The following RAF1 variants were observed in gnomAD, a reference collection of about 807,000 sequenced individuals.
RAF1 encodes RAF proto-oncogene serine/threonine-protein kinase.
RAF1 carries 27 observed loss-of-function variants against 81.1 expected under a neutral mutation model. That is an observed-to-expected ratio of 0.33 (90% CI 0.25 to 0.46). The LOEUF is 0.46. Among genes scored for constraint, RAF1 ranks in the 20% least tolerant of loss-of-function variants. The probability of loss-of-function intolerance (pLI) is 1.00; values close to 1 mark genes in which losing one functional copy is unlikely to be tolerated. For synonymous variants in RAF1, 298 were observed against 294.0 expected (o/e 1.01, Z -0.14); for missense variants, 598 against 826.0 (o/e 0.72, Z 3.38).
chr3:12,609,155 C>A (rs550515708), intron 4 of RAF1, 78 bp downstream of exon 4: 6 of 1,117,738 alleles, frequency 5.4e-6, no homozygotes, highest in Non-Finnish European at 8.2e-6. Context: ...TATATACATA[C>A]GCATATTACC....
chr3:12,599,825 T>A lies in RAF1; in HGVS notation c.1051-17A>T, dbSNP rs753519031. 1.2e-5 allele frequency: 18 copies of A among 1,561,712 alleles called. No individual in the cohort carries two copies. Among genetic ancestry groups the A allele is most frequent in the Non-Finnish European group, 1.6e-5 (18 of 1,132,296 alleles). ...ACGAGGCCTCTGAAACAAGTAGAGA[T>A]CATTATTATACTCCATGCAATGGTA... On this transcript the variant is annotated splice_polypyrimidine_tract_variant and intron_variant, in intron 10 of 17. Coordinates refer to ENST00000442415, the MANE Select transcript of RAF1 (RefSeq NM_001354689.3).
At chr3:12,653,226 G>A (rs1249367872) in intron 1 of RAF1, among the ~76,000 whole-genome samples, 1 of 152,026 alleles carries the variant, frequency 6.6e-6, no homozygotes, top group Admixed American at 6.6e-5. Context: ...AGGTTGCAGT[G>A]AGCTGAGATC....
At chr3:12,586,515 T>C (rs912693971) in intron 14 of RAF1, among the ~76,000 whole-genome samples, 15 of 152,198 alleles carry the variant, frequency 9.9e-5, no homozygotes, top group African/African-American at 3.6e-4. Flanking sequence ...TCTGCTTTCA[T>C]GGTATAATGT....
chr3:12,651,545 A>T (rs2060525699), intron 1 of RAF1, among the ~76,000 whole-genome samples: 1 of 151,928 alleles, frequency 6.6e-6, no homozygotes, highest in South Asian at 2.1e-4. Context: ...GAGGCACGAG[A>T]ATCGCTGGAA....
intron 1 of RAF1, among the ~76,000 whole-genome samples, chr3:12,638,117 C>T (rs1332543765): frequency 2.6e-5 from 4 of 152,166 alleles, no homozygotes; most frequent in Non-Finnish European, 5.9e-5. Context: ...TATTTGCCTA[C>T]TCAATGATTA....
intron 5 of RAF1, 30 bp downstream of exon 5, chr3:12,608,736 T>A (rs1559432991): frequency 1.2e-6 from 2 of 1,608,424 alleles, no homozygotes; most frequent in Non-Finnish European, 8.5e-7. Context: ...CTCATCCCTA[T>A]CTTCCTTGGA....
At chr3:12,624,064 A>G (rs1337591370) in intron 1 of RAF1, among the ~76,000 whole-genome samples, 2 of 151,868 alleles carry the variant, frequency 1.3e-5, no homozygotes, top group African/African-American at 4.8e-5. Context: ...CATGTTTGCC[A>G]GGCTGGTATT....
chr3:12,626,950 G>A (rs776832979), intron 1 of RAF1, among the ~76,000 whole-genome samples: 8 of 150,708 alleles, frequency 5.3e-5, no homozygotes, highest in Admixed American at 1.3e-4. Flanking sequence ...CTTGAACCCA[G>A]GAGGCAGAGG....
At chr3:12,637,968 G>A (rs1033237344) in intron 1 of RAF1, among the ~76,000 whole-genome samples, 14 of 151,980 alleles carry the variant, frequency 9.2e-5, no homozygotes, top group Non-Finnish European at 1.5e-4. Context: ...CTTTCATGAT[G>A]GCCTGGCCCG....
At chr3:12,615,775 G>A (rs2125444226) in intron 2 of RAF1, among the ~76,000 whole-genome samples, 1 of 152,274 alleles carries the variant, frequency 6.6e-6, no homozygotes, top group South Asian at 2.1e-4. Context: ...ATAGCAGCCG[G>A]GTGCAGTGGC....
At chr3:12,587,478 T>C in intron 14 of RAF1, 113 bp downstream of exon 13, 1 of 1,051,662 alleles carries the variant, frequency 9.5e-7, no homozygotes. Context: ...CTCTGCCTCT[T>C]TCCTTAAAAA....
At chr3:12,631,524 G>A (rs546064972) in intron 1 of RAF1, among the ~76,000 whole-genome samples, 9 of 152,290 alleles carry the variant, frequency 5.9e-5, no homozygotes, top group East Asian at 3.9e-4. Flanking sequence ...GCATGAACCC[G>A]GGAGGCGGAG....
chr3:12,648,883 C>T (rs887477259), intron 1 of RAF1, among the ~76,000 whole-genome samples: 4 of 152,136 alleles, frequency 2.6e-5, no homozygotes, highest in African/African-American at 7.2e-5. Flanking sequence ...AGGAGGCCGA[C>T]GTGGGCGGAT....
intron 5 of RAF1, 111 bp downstream of exon 5, chr3:12,608,654 CA>C: frequency 8.1e-7 from 1 of 1,236,846 alleles, no homozygotes; most frequent in South Asian, 1.2e-5. Context: ...GATCACAATT[CA>C]TTAAATGAGT....
At chr3:12,602,674 T>C (rs191171872) in intron 8 of RAF1, among the ~76,000 whole-genome samples, 8 of 152,280 alleles carry the variant, frequency 5.3e-5, no homozygotes, top group Non-Finnish European at 8.8e-5. Flanking sequence ...AACCATTTAA[T>C]AGAAGTAGCA....
intron 2 of RAF1, among the ~76,000 whole-genome samples, chr3:12,616,617 T>C (rs1434899897): frequency 6.6e-6 from 1 of 152,200 alleles, no homozygotes; most frequent in Non-Finnish European, 1.5e-5. Flanking sequence ...ACACTACACT[T>C]GGGAGGCTCC....
At position 12,590,895 on chromosome 3, in the gene RAF1, C is replaced by T. The variant is rs3729929; in HGVS notation, c.1333G>A (p.Glu445Lys). 1 of 1,613,160 alleles carries T rather than the reference C, an allele frequency of 6.2e-7. No homozygotes were observed. The highest frequency in any genetic ancestry group is 8.5e-7 in the Non-Finnish European group (1 of 1,179,138). Residue 445 changes from glutamate (E) to lysine (K), a missense_variant, in exon 13 of 18, where the codon GAG (glutamate) becomes AAG (lysine). Glu to Lys is a moderately conservative substitution (Grantham distance 56). This residue lies in a region of RAF1 where 85 missense variants were observed against 185.6 expected (regional missense o/e 0.46). Coordinates refer to ENST00000442415, the MANE Select transcript of RAF1 (RefSeq NM_001354689.3). The stretch of plus-strand genomic sequence containing the variant: ...AGGTGTTTGTAGAGGCTGCTGCCCT[C>T]GCACCACTGGGTCACAATTGCCAGG...
intron 1 of RAF1, among the ~76,000 whole-genome samples, chr3:12,632,937 T>C (rs1029267289): frequency 2.0e-5 from 3 of 152,192 alleles, no homozygotes; most frequent in African/African-American, 7.2e-5. Flanking sequence ...GTTGAGAGTA[T>C]GAATACTGTT....
chr3:12,626,241 T>A, intron 1 of RAF1, among the ~76,000 whole-genome samples: 1 of 116,060 alleles, frequency 8.6e-6, no homozygotes, highest in African/African-American at 2.9e-5. Flanking sequence ...CAAAACTCTG[T>A]CTCAAAAAAA....
Sources: gnomAD v4.1 joint callset for allele counts (sites outside exome capture counted in the v4.1 genomes callset) on GRCh38, gnomAD v4.1.1 for gene constraint, gnomAD v4.1.1 regional missense constraint, MANE v1.5 for transcripts, NCBI Gene and HGNC (gene_info 2026-07-23, HGNC 2026-07-21) for gene names.